The following GLRB variants were observed in gnomAD, a reference collection of about 807,000 sequenced individuals.
GLRB encodes the protein glycine receptor beta.
A neutral mutation model predicts 54.2 loss-of-function variants in GLRB; 33 were observed. The ratio of observed to expected loss-of-function variants is 0.61; its 90% CI spans 0.46 to 0.81. The LOEUF (loss-of-function observed/expected upper bound fraction) is 0.81. Ranked by LOEUF, GLRB falls within the 40% of genes least tolerant of loss-of-function variation. GLRB has a pLI of 0.00. For synonymous variants in GLRB, 209 were observed against 208.2 expected (o/e 1.00, Z -0.03); for missense variants, 572 against 584.6 (o/e 0.98, Z 0.22).
chr4:157,078,231 T>G, intron 2 of GLRB, 85 bp downstream of exon 2: 2 of 1,586,434 alleles, frequency 1.3e-6, no homozygotes, highest in South Asian at 2.2e-5. Flanking sequence ...AAGACACACA[T>G]CAACAAAACT....
chr4:157,158,736 C>A (rs1737339459), intron 9 of GLRB, among the ~76,000 whole-genome samples: 2 of 152,028 alleles, frequency 1.3e-5, no homozygotes, highest in South Asian at 4.1e-4. Flanking sequence ...TTACTGTAGC[C>A]TTGTAGTAGA....
intron 2 of GLRB, among the ~76,000 whole-genome samples, chr4:157,117,588 T>C (rs1735651212): frequency 6.6e-6 from 1 of 151,628 alleles, no homozygotes; most frequent in African/African-American, 2.4e-5. Context: ...TGGTCAATGC[T>C]GGGAAGATTC....
chr4:157,095,334 CTG>C (rs1734769326), intron 2 of GLRB, among the ~76,000 whole-genome samples: 1 of 148,728 alleles, frequency 6.7e-6, no homozygotes. Flanking sequence ...TTTTTATTTA[CTG>C]AGATATCTGT....
intron 3 of GLRB, among the ~76,000 whole-genome samples, chr4:157,121,218 CA>C (rs1368542965): frequency 2.0e-5 from 3 of 151,658 alleles, no homozygotes; most frequent in African/African-American, 7.3e-5. Flanking sequence ...ACGTAGTCCA[CA>C]ACATAGATTA....
intron 9 of GLRB, among the ~76,000 whole-genome samples, chr4:157,153,884 C>T (rs1025660420): frequency 6.6e-6 from 1 of 152,168 alleles, no homozygotes; most frequent in Non-Finnish European, 1.5e-5. Flanking sequence ...ATTGCTCTAT[C>T]AGTTTGTTAA....
intron 9 of GLRB, among the ~76,000 whole-genome samples, chr4:157,159,004 C>T (rs1210859597): frequency 3.9e-5 from 6 of 152,150 alleles, no homozygotes; most frequent in Admixed American, 2.6e-4. Context: ...TCTTTTATTT[C>T]GTTGAGCAGT....
intron 2 of GLRB, among the ~76,000 whole-genome samples, chr4:157,094,010 T>C (rs1734715723): frequency 6.6e-6 from 1 of 152,236 alleles, no homozygotes; most frequent in South Asian, 2.1e-4. Flanking sequence ...AATCTGTCTA[T>C]GCATGTGTTT....
At chr4:157,156,961 G>C (rs1442219144) in intron 9 of GLRB, among the ~76,000 whole-genome samples, 1 of 152,188 alleles carries the variant, frequency 6.6e-6, no homozygotes, top group Non-Finnish European at 1.5e-5. Context: ...GGAAGGATGA[G>C]TGCTGCTTCA....
chr4:157,094,190 C>T (rs190144476), intron 2 of GLRB, among the ~76,000 whole-genome samples: 6 of 152,250 alleles, frequency 3.9e-5, no homozygotes, highest in African/African-American at 1.4e-4. Context: ...CAGAACATGT[C>T]CAAAACATTA....
chr4:157,083,064 A>G (rs1198603896), intron 2 of GLRB, among the ~76,000 whole-genome samples: 2 of 151,244 alleles, frequency 1.3e-5, no homozygotes, highest in Non-Finnish European at 2.9e-5. Flanking sequence ...AAAATTAGTA[A>G]AATAAGAACT....
intron 2 of GLRB, among the ~76,000 whole-genome samples, chr4:157,110,074 G>A (rs1051587582): frequency 8.6e-5 from 13 of 151,958 alleles, no homozygotes; most frequent in African/African-American, 2.7e-4. Flanking sequence ...CTCCCTGAAG[G>A]TTGCGGGGTG....
At chr4:157,133,104 A>G (rs1385473320) in intron 4 of GLRB, among the ~76,000 whole-genome samples, 1 of 151,976 alleles carries the variant, frequency 6.6e-6, no homozygotes. Context: ...CATCTTTACA[A>G]CAATAGAAAA....
chr4:157,089,090 A>T (rs1231831988), intron 2 of GLRB, among the ~76,000 whole-genome samples: 1 of 152,158 alleles, frequency 6.6e-6, no homozygotes, highest in African/African-American at 2.4e-5. Flanking sequence ...ACACAATTCT[A>T]CTTTTAATAA....
chr4:157,081,754 A>T (rs193048524), intron 2 of GLRB, among the ~76,000 whole-genome samples: 2 of 152,130 alleles, frequency 1.3e-5, no homozygotes, highest in African/African-American at 4.8e-5. Flanking sequence ...CTCCTCCATT[A>T]ATTTATATGC....
At chr4:157,093,540 A>T (rs1428193233) in intron 2 of GLRB, among the ~76,000 whole-genome samples, 1 of 152,118 alleles carries the variant, frequency 6.6e-6, no homozygotes, top group African/African-American at 2.4e-5. Flanking sequence ...AGAGATCACG[A>T]GGTCAAGAGA....
chr4:157,084,123 A>G (rs1011559336), intron 2 of GLRB, among the ~76,000 whole-genome samples: 1 of 152,212 alleles, frequency 6.6e-6, no homozygotes, highest in Non-Finnish European at 1.5e-5. Flanking sequence ...AATTAAAAAT[A>G]AAACTGAATA....
chr4:157,100,822 T>A (rs1380585941), intron 2 of GLRB, among the ~76,000 whole-genome samples: 1 of 152,162 alleles, frequency 6.6e-6, no homozygotes, highest in Non-Finnish European at 1.5e-5. Flanking sequence ...AAATACAAAC[T>A]ATGACACTGA....
At chr4:157,141,243 A>G (rs1014596425) in intron 7 of GLRB, among the ~76,000 whole-genome samples, 3 of 151,934 alleles carry the variant, frequency 2.0e-5, no homozygotes, top group African/African-American at 7.2e-5. Flanking sequence ...TATGCCTAAC[A>G]ATATTTTTTG....
chr4:157,150,726 T>C (rs1010707106), intron 8 of GLRB, among the ~76,000 whole-genome samples: 1 of 152,032 alleles, frequency 6.6e-6, no homozygotes, highest in African/African-American at 2.4e-5. Context: ...CCCATCTTTT[T>C]TACGGAAATT....
Sources: allele counts gnomAD v4.1 joint callset (sites outside exome capture counted in the v4.1 genomes callset), GRCh38; gene constraint gnomAD v4.1.1; transcripts MANE v1.5; gene names NCBI Gene and HGNC (gene_info 2026-07-23, HGNC 2026-07-21).